IRAK1BP1: variants seen among roughly 807,000 people sequenced by gnomAD.
IRAK1BP1 encodes interleukin 1 receptor associated kinase 1 binding protein 1.
Under a neutral mutation model 28.0 loss-of-function variants are expected in IRAK1BP1, and 24 were observed. That is an observed-to-expected ratio of 0.86 (90% CI 0.62 to 1.20). The LOEUF is 1.20. IRAK1BP1 is among the 50% of genes most tolerant of loss of function. IRAK1BP1 has a pLI of 0.00. For synonymous variants in IRAK1BP1, 131 were observed against 116.3 expected (o/e 1.13, Z -0.81); for missense variants, 336 against 316.7 (o/e 1.06, Z -0.46).
the IRAK1BP1 span, chr6:78,978,814 A>G: frequency 1.1e-6 from 1 of 934,632 alleles, no homozygotes; most frequent in Non-Finnish European, 1.6e-6. Context: ...TAAAAGGGGA[A>G]GGGCACCATT....
intron 4 of IRAK1BP1, among the ~76,000 whole-genome samples, chr6:78,922,391 A>C (rs531887385): frequency 6.6e-6 from 1 of 152,338 alleles, no homozygotes; most frequent in Non-Finnish European, 1.5e-5. Context: ...GTAAAAAGAA[A>C]TGAACAAAGC....
At chr6:78,955,036 TTAGA>T in the IRAK1BP1 span, 1 of 1,057,512 alleles carries the variant, frequency 9.5e-7, no homozygotes, top group African/African-American at 1.6e-5. Context: ...TAATGTAGTC[TTAGA>T]TAATTGGGTA....
At position 78,897,849 on chromosome 6, in the gene IRAK1BP1, A is replaced by G; in HGVS notation, c.402A>G (p.Glu134=). The change falls in exon 3 of 4, where the codon GAA becomes GAG. Residue 134 remains glutamate, a synonymous_variant. Coordinates refer to ENST00000369940, the MANE Select transcript of IRAK1BP1 (RefSeq NM_001010844.4). ...MEAEVCITFT[E]FGKMQNICNF... ...TACAGGTCTGCATTACATTTACTGAATTTGGAAAAATGCAAAATATTTGTA... is the reference window on the plus strand; with the variant it reads ...TACAGGTCTGCATTACATTTACTGAGTTTGGAAAAATGCAAAATATTTGTA... The G allele has an allele frequency of 1.2e-6, 2 of 1,613,288 alleles. No individual in the cohort carries two copies. The highest frequency in any genetic ancestry group is 1.7e-6 in the Non-Finnish European group (2 of 1,179,510).
At chr6:78,904,782 A>G (rs1462452853), downstream of IRAK1BP1, among the ~76,000 whole-genome samples, 3 of 152,194 alleles carry the variant, frequency 2.0e-5, no homozygotes, top group Non-Finnish European at 4.4e-5. Flanking sequence ...TTCTATAGGG[A>G]ATAGGAGGTG....
chr6:78,895,959 T>C (rs1771867998), intron 2 of IRAK1BP1, among the ~76,000 whole-genome samples: 1 of 152,168 alleles, frequency 6.6e-6, no homozygotes, highest in Non-Finnish European at 1.5e-5. Flanking sequence ...GAAAATCTGA[T>C]AGAATCTACA....
At chr6:78,957,417 T>A in the IRAK1BP1 span, 1 of 151,874 alleles carries the variant, frequency 6.6e-6, no homozygotes, top group Non-Finnish European at 1.5e-5. Context: ...AGCAATAGAT[T>A]TCTTAGAGAA....
At chr6:78,961,650 C>A in the IRAK1BP1 span, 2 of 1,596,094 alleles carry the variant, frequency 1.3e-6, no homozygotes, top group Non-Finnish European at 1.7e-6. Flanking sequence ...GAAAGATCAC[C>A]AGCTTTCCTT....
intron 1 of IRAK1BP1, among the ~76,000 whole-genome samples, chr6:78,878,650 T>C (rs559072431): frequency 6.6e-6 from 1 of 152,240 alleles, no homozygotes; most frequent in South Asian, 2.1e-4. Flanking sequence ...GAGAATGACT[T>C]TGACAAGTTG....
chr6:78,934,022 ACT>A (rs1773164011), intron 4 of IRAK1BP1, among the ~76,000 whole-genome samples: 1 of 151,988 alleles, frequency 6.6e-6, no homozygotes, highest in Non-Finnish European at 1.5e-5. Context: ...GAGACTTGAG[ACT>A]CTTCTATTCA....
At chr6:78,867,929 A>G (rs755438653) in intron 1 of IRAK1BP1, 38 bp downstream of exon 1, 10 of 1,500,226 alleles carry the variant, frequency 6.7e-6, no homozygotes, top group Non-Finnish European at 6.2e-6. Flanking sequence ...GAGCCGGAAG[A>G]CACAAAAGGG....
intron 4 of IRAK1BP1, among the ~76,000 whole-genome samples, chr6:78,908,683 T>C (rs1772322945): frequency 6.6e-6 from 1 of 152,170 alleles, no homozygotes; most frequent in African/African-American, 2.4e-5. Flanking sequence ...TGCCTACATA[T>C]TGCTAGCGTG....
chr6:78,920,873 T>C lies in IRAK1BP1; in HGVS notation c.*67+17763T>C, dbSNP rs1772704038. Among the ~76,000 whole-genome samples, 4 of 152,318 alleles carry C rather than the reference T, an allele frequency of 2.6e-5. No individual in the cohort carries two copies. In the South Asian group the frequency reaches 8.3e-4, roughly 32 times the overall value. ...CAACCTACAGAATGGGAGAAAATAT[T>C]TGCAAACTATGCATCTGAAAAAGTT... On this transcript the variant is annotated intron_variant and NMD_transcript_variant, in intron 4 of 4. Coordinates refer to the IRAK1BP1 transcript ENST00000606868.
chr6:78,880,319 G>A (rs1267615370), intron 1 of IRAK1BP1, among the ~76,000 whole-genome samples: 4 of 152,154 alleles, frequency 2.6e-5, no homozygotes, highest in South Asian at 2.1e-4. Context: ...ATTCTCCAAA[G>A]AGCATTTTCT....
At chr6:78,947,529 CTT>C (rs1440023433), downstream of IRAK1BP1, 1 of 621,022 alleles carries the variant, frequency 1.6e-6, no homozygotes, top group Non-Finnish European at 2.7e-6. Flanking sequence ...AGAAAGTTAA[CTT>C]TGACCTAAAT....
chr6:78,940,690 A>C, intron 4 of IRAK1BP1: 2 of 1,596,132 alleles, frequency 1.3e-6, no homozygotes, highest in Non-Finnish European at 1.7e-6. Context: ...ATTTTGGTAC[A>C]AGTTACCAAC....
chr6:78,886,743 C>CT (rs2127646838), intron 2 of IRAK1BP1, among the ~76,000 whole-genome samples: 1 of 152,332 alleles, frequency 6.6e-6, no homozygotes, highest in South Asian at 2.1e-4. Flanking sequence ...TTTGAAACCA[C>CT]TGAGTTGTCC....
At position 78,867,609 on chromosome 6, in the gene IRAK1BP1, G is replaced by A. The variant is rs762817067; in HGVS notation, c.33G>A (p.Val11=). 3.3e-5 allele frequency: 53 copies of A among 1,614,196 alleles called. No individual in the cohort carries two copies. The South Asian group carries it at 5.6e-4, about 17-fold the overall frequency. Residue 11 remains valine, a synonymous_variant, in exon 1 of 4, where the codon GTG becomes GTA. Transcript: ENST00000369940. MSLQKTPPTR[V]FVELVPWADR... ...TGCAAAAGACCCCTCCGACCCGAGTGTTCGTGGAACTGGTTCCCTGGGCTG... is the reference window on the plus strand; with the variant it reads ...TGCAAAAGACCCCTCCGACCCGAGTATTCGTGGAACTGGTTCCCTGGGCTG...
chr6:78,951,304 T>TA (rs1305323802), downstream of IRAK1BP1, among the ~76,000 whole-genome samples: 1 of 152,202 alleles, frequency 6.6e-6, no homozygotes, highest in African/African-American at 2.4e-5. Context: ...GTATAGTACA[T>TA]AATAGCTGCT....
chr6:78,923,733 G>A (rs1296660536), intron 4 of IRAK1BP1, among the ~76,000 whole-genome samples: 1 of 152,160 alleles, frequency 6.6e-6, no homozygotes, highest in Non-Finnish European at 1.5e-5. Flanking sequence ...AGACCACAGT[G>A]CAATCAAACT....
Sources: gnomAD v4.1 joint callset for allele counts (sites outside exome capture counted in the v4.1 genomes callset) on GRCh38, gnomAD v4.1.1 for gene constraint, MANE v1.5 for transcripts, NCBI Gene and HGNC (gene_info 2026-07-23, HGNC 2026-07-21) for gene names.